The following GPC5 variants were observed in gnomAD, a reference collection of about 807,000 sequenced individuals.
GPC5 encodes glypican 5, also known as glypican-5.
A neutral mutation model predicts 53.9 loss-of-function variants in GPC5; 47 were observed. The ratio of observed to expected loss-of-function variants is 0.87; its 90% CI spans 0.69 to 1.11. The LOEUF is 1.11. Ranked by LOEUF, GPC5 falls within the 50% of genes most tolerant of loss-of-function variation. The pLI is 0.00. For synonymous variants in GPC5, 286 were observed against 263.3 expected (o/e 1.09, Z -0.84); for missense variants, 748 against 713.1 (o/e 1.05, Z -0.56).
At position 92,062,158 on chromosome 13, in the gene GPC5, T is replaced by G. The variant is rs553863401; in HGVS notation, c.1402-82672T>G. 8.1e-4 allele frequency among the ~76,000 whole-genome samples: 123 copies of G among 151,998 alleles called. 1 individual carries two copies. The highest frequency in any genetic ancestry group is 3.4e-3 in the Middle Eastern group (1 of 292). On this transcript the variant is annotated intron_variant, in intron 6 of 7. Coordinates refer to ENST00000377067, the MANE Select transcript of GPC5 (RefSeq NM_004466.6). Reference sequence around the variant, plus strand: ...CACTATTAATTTTGCTTGATTTTTTTGGGGGGAATTAGACTGTCATCATTC... The same window carrying G: ...CACTATTAATTTTGCTTGATTTTTTGGGGGGGAATTAGACTGTCATCATTC...
chr13:91,407,067 A>G (rs551755068), intron 1 of GPC5, among the ~76,000 whole-genome samples: 138 of 152,370 alleles, frequency 9.1e-4, no homozygotes, highest in African/African-American at 3.2e-3. Context: ...ATTTATAAAT[A>G]AATAGTGATT....
chr13:91,669,422 A>T (rs2035193199), intron 2 of GPC5, among the ~76,000 whole-genome samples: 1 of 152,216 alleles, frequency 6.6e-6, no homozygotes, highest in African/African-American at 2.4e-5. Flanking sequence ...CTAAGGGTTG[A>T]TCAGGGGATG....
At chr13:92,437,902 A>G (rs1227435342) in intron 7 of GPC5, among the ~76,000 whole-genome samples, 3 of 152,136 alleles carry the variant, frequency 2.0e-5, no homozygotes, top group Admixed American at 2.0e-4. Flanking sequence ...AAGCTAGAGA[A>G]AACTGTTTTT....
At chr13:91,802,495 T>C (rs1370417386) in intron 5 of GPC5, among the ~76,000 whole-genome samples, 4 of 152,132 alleles carry the variant, frequency 2.6e-5, no homozygotes, top group Non-Finnish European at 4.4e-5. Flanking sequence ...TTCCACAGCA[T>C]GGAAGGGGAC....
At chr13:91,538,912 G>A (rs1370480690) in intron 2 of GPC5, among the ~76,000 whole-genome samples, 1 of 150,162 alleles carries the variant, frequency 6.7e-6, no homozygotes, top group Non-Finnish European at 1.5e-5. Flanking sequence ...TTTTTGTCCT[G>A]TAGAGTTGTA....
intron 6 of GPC5, among the ~76,000 whole-genome samples, chr13:92,116,270 C>A (rs998877162): frequency 2.7e-4 from 41 of 149,466 alleles, no homozygotes; most frequent in African/African-American, 1.0e-3. Context: ...AACAAACAAA[C>A]AAAAAAAAAA....
chr13:92,327,748 AT>A (rs2043262007), intron 7 of GPC5, among the ~76,000 whole-genome samples: 1 of 152,136 alleles, frequency 6.6e-6, no homozygotes, highest in African/African-American at 2.4e-5. Flanking sequence ...TTACAACGAA[AT>A]CAAAACTTTT....
At chr13:91,832,731 A>G (rs2038676677) in intron 5 of GPC5, among the ~76,000 whole-genome samples, 1 of 152,162 alleles carries the variant, frequency 6.6e-6, no homozygotes, top group East Asian at 1.9e-4. Flanking sequence ...TCTCTGGGAC[A>G]CATTTGGAGC....
chr13:91,705,878 C>CT (rs2036091021), intron 3 of GPC5, among the ~76,000 whole-genome samples: 1 of 137,578 alleles, frequency 7.3e-6, no homozygotes, highest in East Asian at 2.2e-4. Context: ...TTTTTTCTTT[C>CT]TTTTCTTTTT....
intron 6 of GPC5, among the ~76,000 whole-genome samples, chr13:91,979,039 G>A (rs1180632666): frequency 6.6e-6 from 1 of 152,094 alleles, no homozygotes; most frequent in Non-Finnish European, 1.5e-5. Flanking sequence ...TACTGAGAAG[G>A]GATAGAATGA....
chr13:92,323,154 C>G (rs2043226961), intron 7 of GPC5, among the ~76,000 whole-genome samples: 1 of 151,260 alleles, frequency 6.6e-6, no homozygotes, highest in Non-Finnish European at 1.5e-5. Context: ...GAAGAAATCA[C>G]AGTTTCAATA....
chr13:91,563,912 C>G (rs1020775830), intron 2 of GPC5, among the ~76,000 whole-genome samples: 1 of 152,080 alleles, frequency 6.6e-6, no homozygotes, highest in East Asian at 1.9e-4. Flanking sequence ...ACTAGTGTTC[C>G]AGCTGGATTC....
chr13:92,418,275 C>T (rs911304041), intron 7 of GPC5, among the ~76,000 whole-genome samples: 2 of 152,204 alleles, frequency 1.3e-5, no homozygotes, highest in South Asian at 4.1e-4. Context: ...CACTGGAAAT[C>T]ACTGAATACT....
At chr13:92,436,545 A>C (rs1013041396) in intron 7 of GPC5, among the ~76,000 whole-genome samples, 1 of 152,188 alleles carries the variant, frequency 6.6e-6, no homozygotes, top group African/African-American at 2.4e-5. Flanking sequence ...CCCAGGCTAC[A>C]TGACACATTA....
intron 7 of GPC5, among the ~76,000 whole-genome samples, chr13:92,525,418 T>A (rs1881233760): frequency 7.1e-6 from 1 of 140,592 alleles, no homozygotes; most frequent in Non-Finnish European, 1.5e-5. Context: ...TCAAAATGAA[T>A]CAGAAGTAGA....
intron 4 of GPC5, among the ~76,000 whole-genome samples, chr13:91,747,234 A>G (rs571984533): frequency 6.6e-6 from 1 of 152,356 alleles, no homozygotes; most frequent in African/African-American, 2.4e-5. Context: ...AGTAACTGGC[A>G]TTCCTTTGTC....
chr13:92,128,114 C>T (rs2041714281), intron 6 of GPC5, among the ~76,000 whole-genome samples: 1 of 152,176 alleles, frequency 6.6e-6, no homozygotes, highest in African/African-American at 2.4e-5. Context: ...ACTTACTCAG[C>T]TTTTCCCTAT....
intron 7 of GPC5, among the ~76,000 whole-genome samples, chr13:92,186,242 A>G (rs1300015549): frequency 6.6e-6 from 1 of 151,872 alleles, no homozygotes; most frequent in Non-Finnish European, 1.5e-5. Flanking sequence ...TAAGTTGTAA[A>G]TGTAGATCCT....
chr13:92,565,631 G>A (rs1275985967), intron 7 of GPC5, among the ~76,000 whole-genome samples: 1 of 151,906 alleles, frequency 6.6e-6, no homozygotes, highest in Non-Finnish European at 1.5e-5. Flanking sequence ...TTTCCACTAA[G>A]GAAGAAACTT....
Sources: gnomAD v4.1 joint callset for allele counts (sites outside exome capture counted in the v4.1 genomes callset) on GRCh38, gnomAD v4.1.1 for gene constraint, MANE v1.5 for transcripts, NCBI Gene and HGNC (gene_info 2026-07-23, HGNC 2026-07-21) for gene names.